The following ATXN7 variants were observed in gnomAD, a reference collection of about 807,000 sequenced individuals.
ATXN7 encodes the protein ataxin 7, also known as ataxin-7.
In ATXN7, 12 loss-of-function variants were observed where a neutral mutation model predicts 70.5. The observed-to-expected ratio is 0.17, with a 90% CI of 0.11 to 0.28. ATXN7 has a LOEUF of 0.28. Among genes scored for constraint, ATXN7 ranks in the 10% least tolerant of loss-of-function variants. The pLI is 1.00. For missense variants in ATXN7, 1,256 were observed against 1,131.7 expected (o/e 1.11, Z -1.58); for synonymous variants, 498 against 448.7 (o/e 1.11, Z -1.39).
intron 1 of ATXN7, among the ~76,000 whole-genome samples, chr3:63,892,846 C>A (rs926403429): frequency 1.3e-5 from 2 of 152,170 alleles, no homozygotes; most frequent in African/African-American, 4.8e-5. Context: ...CCAGGAAGCC[C>A]ACCTAGGGCA....
chr3:63,967,898 A>G, intron 5 of ATXN7: 2 of 1,535,974 alleles, frequency 1.3e-6, no homozygotes, highest in Non-Finnish European at 1.7e-6. Flanking sequence ...ATGAAGCACA[A>G]CCAAATTCTG....
chr3:63,897,623 A>G (rs1446457704), intron 1 of ATXN7, among the ~76,000 whole-genome samples: 2 of 152,216 alleles, frequency 1.3e-5, no homozygotes, highest in Admixed American at 6.5e-5. Context: ...GGAGAGAAGT[A>G]TATGAGTAGT....
At chr3:63,916,707 G>A (rs1704282328) in intron 4 of ATXN7, among the ~76,000 whole-genome samples, 1 of 152,182 alleles carries the variant, frequency 6.6e-6, no homozygotes, top group South Asian at 2.1e-4. Flanking sequence ...TGTGGTTTAG[G>A]TAGTATATCA....
chr3:63,956,303 C>G lies in ATXN7; in HGVS notation c.499+3820C>G, dbSNP rs1010170073. ...AAAATAAGCCAGGCGTGGTGGCGTG[C>G]GCTCCCACTTGGGAGGCTGAGGCAG... is the stretch of plus-strand genomic sequence containing the variant. On this transcript the variant is annotated intron_variant, in intron 5 of 12. Coordinates refer to ENST00000674280, the MANE Select transcript of ATXN7 (RefSeq NM_001377405.1). Among the ~76,000 whole-genome samples, 14 of 151,526 alleles carry G rather than the reference C, an allele frequency of 9.2e-5. 1 individual carries two copies. The highest frequency in any genetic ancestry group is 7.2e-4 in the Admixed American group (11 of 15,202).
At chr3:63,997,719 TTCC>T in intron 12 of ATXN7, 1 of 1,550,822 alleles carries the variant, frequency 6.4e-7, no homozygotes, top group Non-Finnish European at 8.7e-7. Flanking sequence ...TTTTTTCCCC[TTCC>T]TCGTCTTCAG....
intron 5 of ATXN7, among the ~76,000 whole-genome samples, chr3:63,973,498 A>G (rs1289901001): frequency 6.6e-6 from 1 of 152,112 alleles, no homozygotes; most frequent in Non-Finnish European, 1.5e-5. Context: ...ATTCTGTCAC[A>G]GTTCACTCTT....
At chr3:63,931,218 C>G (rs946438263) in intron 4 of ATXN7, among the ~76,000 whole-genome samples, 2 of 152,054 alleles carry the variant, frequency 1.3e-5, no homozygotes, top group African/African-American at 2.4e-5. Flanking sequence ...GGATTATAGG[C>G]GTGAGCCACC....
At chr3:63,982,623 AGTGT>A (rs71099784) in intron 7 of ATXN7, among the ~76,000 whole-genome samples, 178 bp downstream of exon 7, 1,992 of 143,532 alleles carry the variant, frequency 0.014, 21 homozygotes, top group South Asian at 0.033. Context: ...AAAGAGCATG[AGTGT>A]GTGTGTGTGT....
chr3:63,991,692 G>A (rs954772208), intron 11 of ATXN7, among the ~76,000 whole-genome samples: 4 of 152,144 alleles, frequency 2.6e-5, no homozygotes, highest in Non-Finnish European at 5.9e-5. Flanking sequence ...GTTTTAGGTA[G>A]AGGAGCCATG....
rs141798062 is a variant in ATXN7, at chr3:63,969,773, A to T, written c.500-10142A>T. Among the ~76,000 whole-genome samples, 232 of 152,316 alleles carry T rather than the reference A, an allele frequency of 1.5e-3. 1 individual carries two copies. Among genetic ancestry groups the T allele is most frequent in the Non-Finnish European group, 2.9e-3 (198 of 68,016 alleles). On this transcript the variant is annotated intron_variant, in intron 5 of 12. Transcript: ENST00000674280. ...TATAACAAATTGGAAGGCTATCCTT[A>T]TAAAGGTAAATTGCTAAAATTCTAA...
intron 1 of ATXN7, among the ~76,000 whole-genome samples, chr3:63,870,739 T>TTA (rs1395783339): frequency 6.6e-6 from 1 of 152,170 alleles, no homozygotes; most frequent in Non-Finnish European, 1.5e-5. Context: ...AGGGAAGTAA[T>TTA]TAATACTGGC....
chr3:63,972,387 G>A (rs907437068), intron 5 of ATXN7, among the ~76,000 whole-genome samples: 1 of 152,192 alleles, frequency 6.6e-6, no homozygotes, highest in African/African-American at 2.4e-5. Flanking sequence ...ATGAAGTCAT[G>A]CATTCCTTGA....
intron 8 of ATXN7, among the ~76,000 whole-genome samples, chr3:63,986,469 G>C (rs1226360434): frequency 6.6e-6 from 1 of 152,136 alleles, no homozygotes; most frequent in Non-Finnish European, 1.5e-5. Context: ...GCTGAGGAGA[G>C]GTTTATACAT....
chr3:63,937,211 A>G (rs969087269), intron 4 of ATXN7, among the ~76,000 whole-genome samples: 5 of 152,196 alleles, frequency 3.3e-5, no homozygotes, highest in African/African-American at 1.2e-4. Context: ...TTCAGAAATG[A>G]GGGAAGACAG....
chr3:63,922,561 C>G (rs891516480), intron 4 of ATXN7, among the ~76,000 whole-genome samples: 3 of 151,764 alleles, frequency 2.0e-5, no homozygotes, highest in African/African-American at 4.8e-5. Context: ...CCCCTTTTTT[C>G]TGGGCAAAAA....
chr3:63,914,239 C>T (rs995710940), intron 4 of ATXN7, among the ~76,000 whole-genome samples: 4 of 152,198 alleles, frequency 2.6e-5, no homozygotes, highest in Admixed American at 6.5e-5. Context: ...CCCATTGTTA[C>T]TGTCTTCACA....
chr3:63,993,344 C>G (rs1239409464), intron 11 of ATXN7, among the ~76,000 whole-genome samples: 1 of 142,744 alleles, frequency 7.0e-6, no homozygotes, highest in African/African-American at 2.7e-5. Flanking sequence ...AAAGGAAAAC[C>G]AAGGCTGAGG....
At chr3:63,968,251 C>A in intron 5 of ATXN7, 1 of 378,644 alleles carries the variant, frequency 2.6e-6, no homozygotes, top group Non-Finnish European at 4.9e-6. Flanking sequence ...GCAAGCTGTC[C>A]ACAGAAGCCA....
At chr3:63,997,822 C>A in intron 12 of ATXN7, 1 of 1,453,138 alleles carries the variant, frequency 6.9e-7, no homozygotes, top group Non-Finnish European at 9.0e-7. Context: ...TAATTTTCCT[C>A]TAATATTTGG....
Sources: gnomAD v4.1 joint callset for allele counts (sites outside exome capture counted in the v4.1 genomes callset) on GRCh38, gnomAD v4.1.1 for gene constraint, MANE v1.5 for transcripts, NCBI Gene and HGNC (gene_info 2026-07-23, HGNC 2026-07-21) for gene names.